Variants in ARSG observed in about 807,000 individuals in gnomAD.
ARSG encodes the protein arylsulfatase G.
ARSG carries 37 observed loss-of-function variants against 50.5 expected under a neutral mutation model. That is an observed-to-expected ratio of 0.73 (90% CI 0.56 to 0.96). ARSG has a LOEUF of 0.96. Ranked by LOEUF, ARSG falls within the 50% of genes least tolerant of loss-of-function variation. The probability of loss-of-function intolerance (pLI) is 0.00; values close to 1 mark genes in which losing one functional copy is unlikely to be tolerated. For missense variants in ARSG, 629 were observed against 675.3 expected, an observed-to-expected ratio of 0.93 and a Z score of 0.76; for synonymous variants, 225 against 254.6, an observed-to-expected ratio of 0.88 and a Z score of 1.11.
chr17:68,337,253 G>A (rs902563152), intron 2 of ARSG, among the ~76,000 whole-genome samples: 29 of 152,156 alleles, frequency 1.9e-4, no homozygotes, highest in Admixed American at 1.0e-3. Flanking sequence ...GGAGGGGAGC[G>A]AAGGTGGTCC....
intron 2 of ARSG, among the ~76,000 whole-genome samples, chr17:68,323,126 G>C (rs2077361959): frequency 6.6e-6 from 1 of 151,790 alleles, no homozygotes; most frequent in Non-Finnish European, 1.5e-5. Context: ...TTTTTTTGGA[G>C]TGAACAGATT....
At position 68,406,209 on chromosome 17, in the gene ARSG, A is replaced by C. The variant is rs115871394; in HGVS notation, c.1303+4759A>C. Among the ~76,000 whole-genome samples, 644 of 152,334 alleles carry C rather than the reference A, an allele frequency of 4.2e-3. 5 individuals carry two copies. The highest frequency in any genetic ancestry group is 0.015 in the African/African-American group (622 of 41,568). On this transcript the variant is annotated intron_variant, in intron 11 of 11. Coordinates refer to ENST00000621439, the MANE Select transcript of ARSG (RefSeq NM_001267727.2). ...CTCCAGTCTCACCCAGGTTGCTGCA[A>C]ATGCTGTTGATTCATTCCTTTTTAT...
At chr17:68,354,334 T>C (rs1376472636) in intron 5 of ARSG, among the ~76,000 whole-genome samples, 4 of 149,780 alleles carry the variant, frequency 2.7e-5, no homozygotes, top group African/African-American at 9.9e-5. Context: ...GGTGGGAGGA[T>C]GGCTTGAGGA....
At chr17:68,370,360 G>C in intron 7 of ARSG, 84 bp from the exon 8 acceptor site, 1 of 1,236,106 alleles carries the variant, frequency 8.1e-7, no homozygotes, top group South Asian at 1.3e-5. Flanking sequence ...CCTGCTCTGC[G>C]CAAGGGATAT....
chr17:68,403,963 T>A (rs1004283286), intron 11 of ARSG, among the ~76,000 whole-genome samples: 1 of 152,078 alleles, frequency 6.6e-6, no homozygotes, highest in Non-Finnish European at 1.5e-5. Context: ...GTGGTGTTTG[T>A]TTTTTTGTTC....
At chr17:68,395,029 G>A (rs577480313) in intron 9 of ARSG, 44 bp from the exon 10 acceptor site, 44 of 1,609,342 alleles carry the variant, frequency 2.7e-5, no homozygotes, top group South Asian at 1.5e-4. Flanking sequence ...GTCAGGGAGC[G>A]AGTCAGAAGA....
chr17:68,327,289 G>A (rs2077544805), intron 2 of ARSG, among the ~76,000 whole-genome samples: 1 of 152,080 alleles, frequency 6.6e-6, no homozygotes, highest in Non-Finnish European at 1.5e-5. Flanking sequence ...TCGTTTTGAG[G>A]CCTGCTGTAA....
intron 1 of ARSG, chr17:68,273,805 G>T: frequency 8.2e-7 from 1 of 1,212,622 alleles, no homozygotes; most frequent in Non-Finnish European, 1.2e-6. Context: ...CTGAGACACT[G>T]TTAATGTTAA....
downstream of ARSG, among the ~76,000 whole-genome samples, chr17:68,425,291 C>G (rs971748896): frequency 6.6e-6 from 1 of 152,196 alleles, no homozygotes; most frequent in Non-Finnish European, 1.5e-5. Context: ...GCAGCCTCGA[C>G]CTCCCAGGCT....
At chr17:68,425,521 A>G (rs2083111644), downstream of ARSG, among the ~76,000 whole-genome samples, 1 of 150,454 alleles carries the variant, frequency 6.6e-6, no homozygotes, top group Non-Finnish European at 1.5e-5. Context: ...GCACCCGGCC[A>G]CTTGTTTCTT....
intron 9 of ARSG, among the ~76,000 whole-genome samples, chr17:68,388,191 G>A (rs887819832): frequency 6.6e-6 from 1 of 152,176 alleles, no homozygotes; most frequent in Non-Finnish European, 1.5e-5. Context: ...CAGGGCTTTG[G>A]CAGCACATGG....
At chr17:68,426,297 C>T (rs535620726), downstream of ARSG, 4 of 763,216 alleles carry the variant, frequency 5.2e-6, no homozygotes, top group East Asian at 5.3e-5. Context: ...GTCTGTCTTC[C>T]CCCTGGAGGT....
At chr17:68,269,009 G>A (rs1184734308) in intron 1 of ARSG, 2 of 1,575,348 alleles carry the variant, frequency 1.3e-6, no homozygotes, top group East Asian at 2.3e-5. Flanking sequence ...GAGTAGAGGG[G>A]TTAGCTCCTC....
At position 68,387,263 on chromosome 17, in the gene ARSG, G is replaced by T. The variant is rs527734071; in HGVS notation, c.1091+2091G>T. On this transcript the variant is annotated intron_variant, in intron 9 of 11. Coordinates refer to ENST00000621439, the MANE Select transcript of ARSG (RefSeq NM_001267727.2). ...CCCATCTCAGCCTCCCAAGTAGCTG[G>T]GACTACAGGCATGCACCACTATGCC... Among the ~76,000 whole-genome samples, 6 of 152,096 alleles carry T rather than the reference G, an allele frequency of 3.9e-5. No homozygotes were observed. In the South Asian group the frequency reaches 1.2e-3, roughly 32 times the overall value.
chr17:68,297,965 G>T (rs2076266360), intron 1 of ARSG, among the ~76,000 whole-genome samples: 1 of 123,710 alleles, frequency 8.1e-6, no homozygotes, highest in African/African-American at 2.8e-5. Flanking sequence ...AGTTTACTGT[G>T]ACTCTTTTTT....
chr17:68,405,964 T>C lies in ARSG; in HGVS notation c.1303+4514T>C, dbSNP rs373085736. Among the ~76,000 whole-genome samples, 54 of 152,294 alleles carry C rather than the reference T, an allele frequency of 3.5e-4. 1 individual carries two copies. Among genetic ancestry groups the C allele is most frequent in the East Asian group, 3.3e-3 (17 of 5,186 alleles). The stretch of plus-strand genomic sequence containing the variant: ...ACATGAGTAAGTTCTTTAGCGGTGA[T>C]TTGTGAAATTTTGGTGCACCCATCA... On this transcript the variant is annotated intron_variant, in intron 11 of 11. Coordinates refer to ENST00000621439, the MANE Select transcript of ARSG (RefSeq NM_001267727.2).
At position 68,417,733 on chromosome 17, in the gene ARSG, A is replaced by ATTTTTTTTTTTTTT. The variant is rs770292731; in HGVS notation, c.1304-2437_1304-2424dup. Among the ~76,000 whole-genome samples the ATTTTTTTTTTTTTT allele has an allele frequency of 2.0e-4, 12 of 60,832 alleles. 3 individuals carry two copies. The highest frequency in any genetic ancestry group is 2.3e-4 in the Non-Finnish European group (8 of 34,584). The allele number at this position is 60,832 out of a possible 152,430, so 39.9% of individuals were successfully genotyped here. A position where few individuals can be genotyped will look rare whatever the true frequency, so the allele number is the denominator to read the frequency against. On this transcript the variant is annotated intron_variant, in intron 11 of 11. Transcript: ENST00000621439. ...CAAAAGACCTAATAAGAGTTGCTGA[A>ATTTTTTTTTTTTTT]TTTTTTTTTTTTTTTTTTTTTTTTT...
At chr17:68,449,725 G>A in the ARSG span, among the ~76,000 whole-genome samples, 71 of 152,286 alleles carry the variant, frequency 4.7e-4, 1 homozygote, top group African/African-American at 1.7e-3. Flanking sequence ...AGATGCTGCC[G>A]TGCTTCCTGT....
At chr17:68,282,960 AAAAG>A (rs1291183291) in intron 1 of ARSG, 21 of 151,796 alleles carry the variant, frequency 1.4e-4, no homozygotes, top group Non-Finnish European at 1.9e-4. Context: ...AAAAAAAAAA[AAAAG>A]AAAGAAAATT....
Sources: gnomAD v4.1 joint callset for allele counts (sites outside exome capture counted in the v4.1 genomes callset) on GRCh38, gnomAD v4.1.1 for gene constraint, MANE v1.5 for transcripts, NCBI Gene and HGNC (gene_info 2026-07-23, HGNC 2026-07-21) for gene names.